Variants in FTO observed in about 807,000 individuals in gnomAD.
FTO encodes alpha-ketoglutarate-dependent dioxygenase FTO.
Under a neutral mutation model 63.9 loss-of-function variants are expected in FTO, and 47 were observed. The observed-to-expected ratio is 0.74, with a 90% CI of 0.58 to 0.94. FTO has a LOEUF of 0.94. Ranked by LOEUF, FTO falls within the 40% of genes least tolerant of loss-of-function variation. FTO has a pLI of 0.00. For synonymous variants in FTO, 207 were observed against 224.4 expected (o/e 0.92, Z 0.69); for missense variants, 562 against 618.1 (o/e 0.91, Z 0.96).
chr16:53,997,701 G>T (rs1229403606), intron 8 of FTO, among the ~76,000 whole-genome samples: 1 of 74,386 alleles, frequency 1.3e-5, no homozygotes, highest in Non-Finnish European at 2.4e-5. Context: ...ATTTGATTTG[G>T]ATCTTTTTTT....
At chr16:53,918,411 CAT>C (rs2151951671) in intron 7 of FTO, among the ~76,000 whole-genome samples, 2 of 152,230 alleles carry the variant, frequency 1.3e-5, no homozygotes, top group African/African-American at 4.8e-5. Flanking sequence ...GATATCGAAA[CAT>C]AGAAAAGGCA....
At chr16:53,999,902 C>T (rs755882257) in intron 8 of FTO, 3 of 152,198 alleles carry the variant, frequency 2.0e-5, no homozygotes, top group Non-Finnish European at 4.4e-5. Flanking sequence ...GTAGGTGCCT[C>T]TGGCTTTGAG....
intron 8 of FTO, among the ~76,000 whole-genome samples, chr16:54,032,025 T>TCAAAAGATGGCTC (rs2084844179): frequency 6.6e-6 from 1 of 152,150 alleles, no homozygotes; most frequent in Non-Finnish European, 1.5e-5. Context: ...ATGGGAGGCA[T>TCAAAAGATGGCTC]CAAAAGATGG....
chr16:54,046,289 A>T (rs1320866774), intron 8 of FTO, among the ~76,000 whole-genome samples: 2 of 76,194 alleles, frequency 2.6e-5, no homozygotes, highest in Non-Finnish European at 4.2e-5. Flanking sequence ...AATGTACAAA[A>T]ATCACAAGCA....
intron 8 of FTO, among the ~76,000 whole-genome samples, chr16:54,088,211 T>C (rs16953039): frequency 0.025 from 3,850 of 152,344 alleles, 146 homozygotes; most frequent in African/African-American, 0.086. Context: ...TTGTTTTACA[T>C]AAGTGGTTAT....
intron 8 of FTO, among the ~76,000 whole-genome samples, chr16:54,054,992 G>T (rs1489115594): frequency 1.3e-5 from 2 of 152,176 alleles, no homozygotes; most frequent in African/African-American, 2.4e-5. Context: ...AACTCAGGGT[G>T]CATTATTTAC....
chr16:53,732,304 G>A (rs967256694), intron 1 of FTO, among the ~76,000 whole-genome samples: 2 of 152,074 alleles, frequency 1.3e-5, no homozygotes, highest in Admixed American at 1.3e-4. Context: ...ACCTGTGTTG[G>A]CCTCCCAAAG....
intron 8 of FTO, among the ~76,000 whole-genome samples, chr16:54,049,320 G>C (rs2085259493): frequency 6.6e-6 from 1 of 152,186 alleles, no homozygotes; most frequent in South Asian, 2.1e-4. Flanking sequence ...GCACAGGGAA[G>C]AGAGACAGAG....
intron 1 of FTO, among the ~76,000 whole-genome samples, chr16:53,774,709 A>G (rs967014839): frequency 6.6e-6 from 1 of 152,148 alleles, no homozygotes; most frequent in African/African-American, 2.4e-5. Flanking sequence ...CTGAAGGTGG[A>G]GCCTCCAGAG....
At chr16:53,813,294 C>T (rs2151743907) in intron 2 of FTO, among the ~76,000 whole-genome samples, 1 of 152,090 alleles carries the variant, frequency 6.6e-6, no homozygotes, top group East Asian at 1.9e-4. Flanking sequence ...TCACTGCAAC[C>T]TCTGCCTCCC....
At chr16:53,785,359 C>T (rs1253332345) in intron 1 of FTO, among the ~76,000 whole-genome samples, 1 of 152,138 alleles carries the variant, frequency 6.6e-6, no homozygotes. Context: ...TACTTAGTCT[C>T]TGCTTTCATG....
At chr16:53,714,315 C>A (rs1396118686) in intron 1 of FTO, among the ~76,000 whole-genome samples, 2 of 152,172 alleles carry the variant, frequency 1.3e-5, no homozygotes, top group African/African-American at 4.8e-5. Context: ...GCCAGCATTT[C>A]TCCAGTAATA....
At chr16:54,060,942 A>G (rs1188483336) in intron 8 of FTO, among the ~76,000 whole-genome samples, 1 of 152,228 alleles carries the variant, frequency 6.6e-6, no homozygotes, top group East Asian at 1.9e-4. Flanking sequence ...TGGCCCTGCA[A>G]TGATGAGATA....
intron 2 of FTO, among the ~76,000 whole-genome samples, 173 bp from the exon 3 acceptor site, chr16:53,825,691 A>G (rs2078986253): frequency 6.6e-6 from 1 of 152,048 alleles, no homozygotes; most frequent in South Asian, 2.1e-4. Flanking sequence ...GTTTGATGAC[A>G]TTTGTTTTAT....
intron 3 of FTO, among the ~76,000 whole-genome samples, chr16:53,842,727 G>C (rs936063307): frequency 1.3e-5 from 2 of 152,138 alleles, no homozygotes; most frequent in Non-Finnish European, 2.9e-5. Context: ...AGAATGGAGT[G>C]CACTGGTGCT....
At chr16:53,873,402 C>A (rs1036877113) in intron 4 of FTO, among the ~76,000 whole-genome samples, 5 of 151,604 alleles carry the variant, frequency 3.3e-5, no homozygotes, top group Admixed American at 2.6e-4. Flanking sequence ...TTCAAAGTGT[C>A]ATACTTTGTA....
chr16:53,933,939 T>A, intron 7 of FTO, 46 bp from the exon 8 acceptor site: 1 of 1,593,294 alleles, frequency 6.3e-7, no homozygotes, highest in Non-Finnish European at 8.6e-7. Flanking sequence ...TTTTTTATTA[T>A]TAATTTTTCA....
intron 7 of FTO, among the ~76,000 whole-genome samples, chr16:53,918,617 C>T (rs1598989623): frequency 6.6e-6 from 1 of 152,092 alleles, no homozygotes; most frequent in Admixed American, 6.5e-5. Context: ...AAAATCAACC[C>T]TAAAAGCTTA....
chr16:53,847,185 A>C (rs2079646530), intron 4 of FTO, among the ~76,000 whole-genome samples: 1 of 152,204 alleles, frequency 6.6e-6, no homozygotes, highest in Admixed American at 6.5e-5. Flanking sequence ...CCGTGGCTGC[A>C]CAGCTAGTAA....
Sources: gnomAD v4.1 joint callset for allele counts (sites outside exome capture counted in the v4.1 genomes callset) on GRCh38, gnomAD v4.1.1 for gene constraint, MANE v1.5 for transcripts, NCBI Gene and HGNC (gene_info 2026-07-23, HGNC 2026-07-21) for gene names.